WDR13: variants seen among roughly 807,000 people sequenced by gnomAD.
WDR13 encodes WD repeat-containing protein 13.
A neutral mutation model predicts 28.6 loss-of-function variants in WDR13; 1 was observed. That is an observed-to-expected ratio of 0.03 (90% CI 0.01 to 0.17). The LOEUF is 0.17. WDR13 is among the 10% of genes least tolerant of loss of function. The probability of loss-of-function intolerance (pLI) is 1.00; values close to 1 mark genes in which losing one functional copy is unlikely to be tolerated. For synonymous variants in WDR13, 201 were observed against 185.9 expected, an observed-to-expected ratio of 1.08 and a Z score of -0.66; for missense variants, 264 against 469.3, an observed-to-expected ratio of 0.56 and a Z score of 4.04.
Position 48,600,446 on chromosome X carries a change from C to G in WDR13, c.651C>G (p.Thr217=). 8.2e-7 allele frequency: 1 copy of G among 1,212,487 alleles called. No homozygotes were observed. Among genetic ancestry groups the G allele is most frequent in the Non-Finnish European group, 1.1e-6 (1 of 895,697 alleles). ...TGCTTCGCGTGCTACGGGGCCACAC[C>G]CGTGGTGTCTCCGACTTCGCCTGGT... ...PTVLRVLRGH[T]RGVSDFAWSL... The change falls in exon 6 of 10, where the codon ACC becomes ACG. Residue 217 remains threonine, a synonymous_variant. Coordinates refer to ENST00000376729, the MANE Select transcript of WDR13 (RefSeq NM_001347217.2).
rs782230118 is a variant in WDR13, at chrX:48,598,747, A to G, written c.72A>G (p.Pro24=). 48 of 1,183,237 alleles carry G rather than the reference A, an allele frequency of 4.1e-5. No homozygotes were observed. In the South Asian group the frequency reaches 7.7e-4, roughly 19 times the overall value. The change falls in exon 3 of 10, where the codon CCA becomes CCG. Residue 24 remains proline (P), a synonymous_variant. Coordinates refer to ENST00000376729, the MANE Select transcript of WDR13 (RefSeq NM_001347217.2). The part of the protein sequence containing the change: ...RYNAYRTPTF[P]QFRTQYIRRR... ...ACGCGTACCGCACACCAACGTTTCCACAGTTTCGGACGCAGTATATCCGCC... is the reference window on the plus strand; with the variant it reads ...ACGCGTACCGCACACCAACGTTTCCGCAGTTTCGGACGCAGTATATCCGCC...
chrX:48,605,304 T>G lies in WDR13; in HGVS notation c.*272T>G, dbSNP rs1407336280. 8.3e-6 allele frequency: 3 copies of G among 362,289 alleles called. No individual in the cohort carries two copies. Among genetic ancestry groups the G allele is most frequent in the East Asian group, 4.5e-5 (1 of 22,420 alleles). The allele number at this position is 362,289 out of a possible 1,213,427, so 29.9% of individuals were successfully genotyped here. Reference sequence around the variant, plus strand: ...CTGCCTTAACTGTTTTACACACTTATGCATTCGATAGACATTAGTGAGCCC... The same window carrying G: ...CTGCCTTAACTGTTTTACACACTTAGGCATTCGATAGACATTAGTGAGCCC... On this transcript the variant is annotated 3_prime_UTR_variant, in exon 10 of 10. Coordinates refer to ENST00000376729, the MANE Select transcript of WDR13 (RefSeq NM_001347217.2).
At position 48,601,804 on chromosome X, in the gene WDR13, C is replaced by G. The variant is rs182379456; in HGVS notation, c.852C>G (p.Asn284Lys). Reference protein sequence around the residue: ...NLTVVGNAKHNVHVMNISTGK... With the variant: ...NLTVVGNAKHKVHVMNISTGK... ...CACAGGTGGGGAACGCCAAGCACAA[C>G]GTGCATGTCATGAACATCTCCACAG... Residue 284 changes from asparagine to lysine, a missense_variant, in exon 7 of 10, where the codon AAC becomes AAG. By Grantham distance (94) the Asn-to-Lys change is moderately conservative. Transcript: ENST00000376729. The G allele has an allele frequency of 2.6e-6, 3 of 1,176,114 alleles. No homozygotes were observed. The Admixed American group carries it at 7.3e-5, about 28-fold the overall frequency.
chrX:48,601,685 T>C (rs2062186879), intron 6 of WDR13, 99 bp from the exon 7 acceptor site: 2 of 895,726 alleles, frequency 2.2e-6, no homozygotes, highest in Non-Finnish European at 1.5e-6. Context: ...TAGACTCTAA[T>C]AGGGACCAGC....
In WDR13 at chrX:48,597,946, C is replaced by T. The variant is rs912316706; in HGVS notation, c.-39-12C>T. Reference sequence around the variant, plus strand: ...GCTCGGGACGCTCACATTCCAGGCCCTTGTCCTGCAGGCTGCCGCGGGCGG... The same window carrying T: ...GCTCGGGACGCTCACATTCCAGGCCTTTGTCCTGCAGGCTGCCGCGGGCGG... On this transcript the variant is annotated splice_polypyrimidine_tract_variant and intron_variant, in intron 1 of 9. Transcript: ENST00000376729. 11 of 1,162,729 alleles carry T rather than the reference C, an allele frequency of 9.5e-6. No individual in the cohort carries two copies. Among genetic ancestry groups the T allele is most frequent in the Admixed American group, 2.7e-5 (1 of 37,606 alleles).
Position 48,602,171 on chromosome X carries a change from C to G in WDR13, c.1119C>G (p.Leu373=). The G allele has an allele frequency of 8.3e-7, 1 of 1,211,608 alleles. No individual in the cohort carries two copies. Among genetic ancestry groups the G allele is most frequent in the Non-Finnish European group, 1.1e-6 (1 of 895,100 alleles). The change falls in exon 8 of 10, where the codon CTC becomes CTG. Residue 373 remains leucine (L), a synonymous_variant. Transcript: ENST00000376729. The part of the protein sequence containing the change: ...VSREARDPSL[L]INACLNKLLL... Reference sequence around the variant, plus strand: ...GCGAGGCCCGGGATCCCTCACTGCTCATCAATGCTTGCCTCAACAAGTTGC... The same window carrying G: ...GCGAGGCCCGGGATCCCTCACTGCTGATCAATGCTTGCCTCAACAAGTTGC...
intron 9 of WDR13, 109 bp from the exon 10 acceptor site, chrX:48,604,739 G>A: frequency 1.1e-6 from 1 of 922,960 alleles, no homozygotes. Flanking sequence ...AGCCATGCTA[G>A]GACCTCACAC....
At position 48,598,853 on chromosome X, in the gene WDR13, C is replaced by A; in HGVS notation, c.178C>A (p.Gln60Lys). 1 of 1,207,612 alleles carries A rather than the reference C, an allele frequency of 8.3e-7. No homozygotes were observed. The highest frequency in any genetic ancestry group is 3.0e-5 in the East Asian group (1 of 33,610). Residue 60 changes from glutamine (Q) to lysine (K), a missense_variant, in exon 3 of 10, where the codon CAG (glutamine) becomes AAG (lysine). Coordinates refer to ENST00000376729, the MANE Select transcript of WDR13 (RefSeq NM_001347217.2). ...LRRQYLRLRGQLLGQRYGPLS... is the reference protein window; with the variant it reads ...LRRQYLRLRGKLLGQRYGPLS... ...TCGGCAGTACCTGAGGCTTCGGGGGCAGCTGCTGGGCCAGCGCTACGGGCC... is the reference window on the plus strand; with the variant it reads ...TCGGCAGTACCTGAGGCTTCGGGGGAAGCTGCTGGGCCAGCGCTACGGGCC...
intron 8 of WDR13, among the ~76,000 whole-genome samples, chrX:48,603,913 C>G (rs782216977): frequency 1.8e-5 from 2 of 111,461 alleles, no homozygotes; most frequent in Non-Finnish European, 3.8e-5. Context: ...TCAACAGAGA[C>G]AGTTTCTGAA....
rs143150764 is a variant in WDR13 at position 48,604,318 on chromosome X, A to G, written c.1201A>G (p.Ile401Val). The G allele has an allele frequency of 4.0e-5, 48 of 1,209,734 alleles. No homozygotes were observed. Among genetic ancestry groups the G allele is most frequent in the Admixed American group, 1.3e-4 (6 of 45,740 alleles). Reference protein sequence around the residue: ...GTLQLKRSFPIEQSSHPVRSI... With the variant: ...GTLQLKRSFPVEQSSHPVRSI... ...CCTGCAGCTGAAGAGAAGCTTCCCC[A>G]TCGAGCAGAGCTCACATCCTGTGCG... The change falls in exon 9 of 10, where the codon ATC (isoleucine) becomes GTC (valine). Residue 401 changes from isoleucine (I) to valine (V), a missense_variant. By Grantham distance (29) the Ile-to-Val change is conservative. Around this residue, in one of 4 missense-constraint regions of WDR13, gnomAD observed 157 missense variants for 270.2 expected, o/e 0.58. Coordinates refer to ENST00000376729, the MANE Select transcript of WDR13 (RefSeq NM_001347217.2).
chrX:48,599,110 A>T, intron 3 of WDR13, 153 bp downstream of exon 3: 1 of 864,157 alleles, frequency 1.2e-6, no homozygotes. Flanking sequence ...AAACACACAA[A>T]CTTTGTAAAC....
chrX:48,600,830 T>G (rs1166501756), intron 6 of WDR13: 5 of 450,281 alleles, frequency 1.1e-5, no homozygotes, highest in Non-Finnish European at 1.8e-5. Flanking sequence ...GCGCAGTGGC[T>G]CACGCCTGTA....
rs782279455 is a variant in WDR13 at position 48,600,674 on chromosome X, G to A, written c.831+48G>A. ...CACCAAGGGCTGGTGGGCTGGGTCA[G>A]GAAGGCTATCTGAGGGAATCAGAGT... On this transcript the variant is annotated intron_variant, in intron 6 of 9. Coordinates refer to ENST00000376729, the MANE Select transcript of WDR13 (RefSeq NM_001347217.2). 7.7e-6 allele frequency: 9 copies of A among 1,172,553 alleles called. No homozygotes were observed. The Admixed American group carries it at 1.9e-4, about 25-fold the overall frequency.
Position 48,605,056 on chromosome X carries a change from C to T in WDR13, c.*24C>T, listed in dbSNP as rs782070385. The T allele has an allele frequency of 8.4e-7, 1 of 1,187,962 alleles. No homozygotes were observed. Among genetic ancestry groups the T allele is most frequent in the Admixed American group, 2.2e-5 (1 of 44,788 alleles). Reference sequence around the variant, plus strand: ...AGGGTCCTGTCGGCCCTGCTGCTGTCCTCCATCCCACCCCTCTTACTCCAG... The same window carrying T: ...AGGGTCCTGTCGGCCCTGCTGCTGTTCTCCATCCCACCCCTCTTACTCCAG... On this transcript the variant is annotated 3_prime_UTR_variant, in exon 10 of 10. Transcript: ENST00000376729.
chrX:48,599,904 T>C, intron 5 of WDR13, 187 bp downstream of exon 5: 3 of 629,479 alleles, frequency 4.8e-6, no homozygotes, highest in Non-Finnish European at 7.0e-6. Flanking sequence ...GGAAAGGGCC[T>C]CAGAAGCCTA....
At chrX:48,599,955 C>T in intron 5 of WDR13, 2 of 454,827 alleles carry the variant, frequency 4.4e-6, no homozygotes, top group Non-Finnish European at 7.3e-6. Flanking sequence ...GTTCCTGAGT[C>T]ACTTGGAAGA....
Position 48,601,825 on chromosome X carries a change from C to T in WDR13, c.873C>T (p.Ser291=), listed in dbSNP as rs1556994673. Reference sequence around the variant, plus strand: ...ACAACGTGCATGTCATGAACATCTCCACAGGCAAGAAAGTGAAGGGGGGCT... The same window carrying T: ...ACAACGTGCATGTCATGAACATCTCTACAGGCAAGAAAGTGAAGGGGGGCT... The part of the protein sequence containing the change: ...AKHNVHVMNI[S]TGKKVKGGSS... Residue 291 remains serine (S), a synonymous_variant, in exon 7 of 10, where the codon TCC becomes TCT. Transcript: ENST00000376729. 8.4e-7 allele frequency: 1 copy of T among 1,196,006 alleles called. No individual in the cohort carries two copies.
Position 48,598,713 on chromosome X carries a change from G to T in WDR13, c.42-4G>T, listed in dbSNP as rs781876827. 8.6e-7 allele frequency: 1 copy of T among 1,168,717 alleles called. No individual in the cohort carries two copies. Among genetic ancestry groups the T allele is most frequent in the Non-Finnish European group, 1.1e-6 (1 of 871,685 alleles). Reference sequence around the variant, plus strand: ...GCTGCCTGCCCTGCATCCTGACCCTGCAGGTACAACGCGTACCGCACACCA... The same window carrying T: ...GCTGCCTGCCCTGCATCCTGACCCTTCAGGTACAACGCGTACCGCACACCA... On this transcript the variant is annotated splice_polypyrimidine_tract_variant and splice_region_variant and intron_variant, in intron 2 of 9. Coordinates refer to ENST00000376729, the MANE Select transcript of WDR13 (RefSeq NM_001347217.2).
At chrX:48,598,151 A>C in intron 2 of WDR13, 114 bp downstream of exon 2, 3 of 1,141,829 alleles carry the variant, frequency 2.6e-6, no homozygotes, top group Non-Finnish European at 3.5e-6. Flanking sequence ...GGCATGCCGG[A>C]GGTGAGCATG....
Sources: gnomAD v4.1 joint callset for allele counts (sites outside exome capture counted in the v4.1 genomes callset) on GRCh38, gnomAD v4.1.1 for gene constraint, gnomAD v4.1.1 regional missense constraint, MANE v1.5 for transcripts, NCBI Gene and HGNC (gene_info 2026-07-23, HGNC 2026-07-21) for gene names.